CNKSR1: variants seen among roughly 807,000 people sequenced by gnomAD.
CNKSR1 encodes CNK homolog protein 1.
CNKSR1 carries 88 observed loss-of-function variants against 95.6 expected under a neutral mutation model. The observed-to-expected ratio is 0.92, with a 90% CI of 0.78 to 1.10. The LOEUF (loss-of-function observed/expected upper bound fraction) is 1.10. CNKSR1 is among the 50% of genes least tolerant of loss of function. The pLI is 0.00. For missense variants in CNKSR1, 836 were observed against 912.0 expected, an observed-to-expected ratio of 0.92 and a Z score of 1.07; for synonymous variants, 355 against 369.7, an observed-to-expected ratio of 0.96 and a Z score of 0.46.
Position 26,185,159 on chromosome 1 carries a change from C to T in CNKSR1, c.1281C>T (p.His427=). ...WRRRWFVLKG[H]TLYWYRQPQD... is the part of the protein sequence containing the mutation. ...GCCGCTGGTTTGTGCTCAAGGGACA[C>T]ACGCTCTACTGGTACCGCCAGCCCC... Residue 427 remains histidine (H), a synonymous_variant, in exon 14 of 21, where the codon CAC becomes CAT. Transcript: ENST00000361530. 6.4e-7 allele frequency: 1 copy of T among 1,564,206 alleles called. No individual in the cohort carries two copies. The highest frequency in any genetic ancestry group is 1.2e-5 in the South Asian group (1 of 85,306).
At position 26,184,205 on chromosome 1, in the gene CNKSR1, C is replaced by T. The variant is rs1319319146; in HGVS notation, c.927-9C>T. 3.7e-6 allele frequency: 6 copies of T among 1,613,000 alleles called. No individual in the cohort carries two copies. The highest frequency in any genetic ancestry group is 3.3e-5 in the South Asian group (3 of 90,998). ...CGTGGGCTCATCTCATCCCCCTTGC[C>T]CTCCCCAGGGCCCCATCTGAAGACG... On this transcript the variant is annotated splice_polypyrimidine_tract_variant and intron_variant, in intron 10 of 20. Transcript: ENST00000361530.
intron 13 of CNKSR1, 68 bp downstream of exon 13, chr1:26,184,680 G>A (rs2088716581): frequency 2.0e-6 from 3 of 1,519,800 alleles, no homozygotes; most frequent in Non-Finnish European, 2.7e-6. Context: ...TTTACATGCT[G>A]GGCAAGACCA....
rs1364250615 is a variant in CNKSR1 at position 26,181,923 on chromosome 1, G to A, written c.459G>A (p.Leu153=). ...AGATCCGAGACTTGTTGGAGGAGCTGAGCCAGGTCTTGCATGAGGTAGGAG... is the reference window on the plus strand; with the variant it reads ...AGATCCGAGACTTGTTGGAGGAGCTAAGCCAGGTCTTGCATGAGGTAGGAG... ...CQEIRDLLEE[L]SQVLHEDGPA... Residue 153 remains leucine, a synonymous_variant, in exon 4 of 21, where the codon CTG becomes CTA. Coordinates refer to ENST00000361530, the MANE Select transcript of CNKSR1 (RefSeq NM_006314.3). The A allele has an allele frequency of 1.2e-6, 2 of 1,613,900 alleles. No individual in the cohort carries two copies. The highest frequency in any genetic ancestry group is 1.7e-6 in the Non-Finnish European group (2 of 1,179,912).
Position 26,187,161 on chromosome 1 carries a change from C to A in CNKSR1, c.1309-7C>A. The A allele has an allele frequency of 6.2e-7, 1 of 1,612,070 alleles. No homozygotes were observed. Among genetic ancestry groups the A allele is most frequent in the South Asian group, 1.1e-5 (1 of 91,018 alleles). On this transcript the variant is annotated splice_polypyrimidine_tract_variant and splice_region_variant and intron_variant, in intron 14 of 20. Coordinates refer to ENST00000361530, the MANE Select transcript of CNKSR1 (RefSeq NM_006314.3). ...CCAACCTGACCCTCATGCTGTGATC[C>A]CCCCAGGATGAGAAGGCTGAGGGCC...
intron 14 of CNKSR1, among the ~76,000 whole-genome samples, chr1:26,186,355 C>T (rs996072282): frequency 2.6e-5 from 4 of 152,218 alleles, no homozygotes; most frequent in African/African-American, 9.7e-5. Context: ...GGCTGGAGGG[C>T]AGTGGCATGA....
intron 3 of CNKSR1, 125 bp downstream of exon 3, chr1:26,181,021 T>C: frequency 2.4e-6 from 3 of 1,231,280 alleles, no homozygotes; most frequent in Non-Finnish European, 3.5e-6. Context: ...GGCTTAGGTC[T>C]GTAATCCCAG....
Position 26,184,455 on chromosome 1 carries a change from T to C in CNKSR1, c.1055T>C (p.Ile352Thr). Residue 352 changes from isoleucine to threonine, a missense_variant, in exon 12 of 21, where the codon ATA becomes ACA. By Grantham distance (89) the Ile-to-Thr change is moderately conservative (BLOSUM62 -1). Transcript: ENST00000361530. ...PLPIPPEPPA[I>T]LPAGVAGTPG... ...CCCATCCCCCCGGAACCCCCAGCCATACTCCCAGCAGGGGTAGCAGGGACT... is the reference window on the plus strand; with the variant it reads ...CCCATCCCCCCGGAACCCCCAGCCACACTCCCAGCAGGGGTAGCAGGGACT... The C allele has an allele frequency of 6.2e-7, 1 of 1,613,494 alleles. No homozygotes were observed. The highest frequency in any genetic ancestry group is 8.5e-7 in the Non-Finnish European group (1 of 1,179,830).
rs759164599 is a variant in CNKSR1, at chr1:26,189,417, G to A, written c.2011G>A (p.Glu671Lys). 5 of 1,614,040 alleles carry A rather than the reference G, an allele frequency of 3.1e-6. No homozygotes were observed. In the African/African-American group the frequency reaches 4.0e-5, roughly 13 times the overall value. Reference sequence around the variant, plus strand: ...GGGGGCCTGGGGAGTGGCACAGGCTGAAGGCAGCTCCCACATCTTGACCTC... The same window carrying A: ...GGGGGCCTGGGGAGTGGCACAGGCTAAAGGCAGCTCCCACATCTTGACCTC... Reference protein sequence around the residue: ...GLGAWGVAQAEGSSHILTSDS... With the variant: ...GLGAWGVAQAKGSSHILTSDS... The change falls in exon 21 of 21, where the codon GAA becomes AAA. Residue 671 changes from glutamate (E) to lysine (K), a missense_variant. Transcript: ENST00000361530.
intron 14 of CNKSR1, among the ~76,000 whole-genome samples, chr1:26,186,739 G>A (rs1569886142): frequency 6.6e-6 from 1 of 152,114 alleles, no homozygotes; most frequent in Admixed American, 6.6e-5. Flanking sequence ...CTCCCAAAGT[G>A]CTGGGATTAC....
intron 14 of CNKSR1, 113 bp downstream of exon 14, chr1:26,185,299 TC>T: frequency 4.3e-6 from 5 of 1,153,986 alleles, no homozygotes; most frequent in Non-Finnish European, 5.0e-6. Context: ...GATGTCCCCA[TC>T]TGTAAAATGG....
In CNKSR1 at chr1:26,188,463, C is replaced by A; in HGVS notation, c.1550C>A (p.Ala517Glu). ...CCAGACTGCTACAGTGAGACCGAAG[C>A]AGAGGACCCGGACGATGAGGCTGGG... ...REEDCYSETE[A>E]EDPDDEAGSH... Residue 517 changes from alanine (A) to glutamate (E), a missense_variant, in exon 18 of 21, where the codon GCA (alanine) becomes GAA (glutamate). Ala to Glu is a moderately radical substitution (Grantham distance 107). Coordinates refer to ENST00000361530, the MANE Select transcript of CNKSR1 (RefSeq NM_006314.3). The A allele has an allele frequency of 2.5e-6, 4 of 1,605,960 alleles. No individual in the cohort carries two copies. The highest frequency in any genetic ancestry group is 3.4e-6 in the Non-Finnish European group (4 of 1,176,382).
At chr1:26,177,668 G>C (rs1367431581) in intron 1 of CNKSR1, 69 bp downstream of exon 1, 4 of 1,581,000 alleles carry the variant, frequency 2.5e-6, no homozygotes, top group Non-Finnish European at 3.5e-6. Context: ...GAAGCGGGAG[G>C]AGAGGAAAAG....
intron 14 of CNKSR1, 171 bp from the exon 15 acceptor site, chr1:26,186,997 C>A: frequency 1.5e-6 from 1 of 658,736 alleles, no homozygotes; most frequent in Non-Finnish European, 2.8e-6. Context: ...CATCTCCTAC[C>A]CTGACCCCAG....
Position 26,185,010 on chromosome 1 carries a change from A to G in CNKSR1, c.1136-4A>G, listed in dbSNP as rs752773708. The G allele has an allele frequency of 1.9e-6, 3 of 1,593,728 alleles. No individual in the cohort carries two copies. Among genetic ancestry groups the G allele is most frequent in the Non-Finnish European group, 2.5e-6 (3 of 1,176,728 alleles). ...ACTGCCCAGCTTGTGCTGTGCTGCT[A>G]CAGGCCTGGCGACCCGGCTGAGCCG... On this transcript the variant is annotated splice_region_variant and splice_polypyrimidine_tract_variant and intron_variant, in intron 13 of 20. Transcript: ENST00000361530.
At chr1:26,183,923 C>G (rs557191673) in intron 9 of CNKSR1, 93 bp downstream of exon 9, 4 of 523,586 alleles carry the variant, frequency 7.6e-6, no homozygotes, top group Admixed American at 5.2e-5. Context: ...TCAGACCCCC[C>G]CCAACAGGCA....
In CNKSR1 at chr1:26,188,659, C is replaced by T; in HGVS notation, c.1652C>T (p.Thr551Ile). The T allele has an allele frequency of 6.2e-7, 1 of 1,613,928 alleles. No homozygotes were observed. Among genetic ancestry groups the T allele is most frequent in the Non-Finnish European group, 8.5e-7 (1 of 1,179,916 alleles). ...GACACATCACCTGCAGCCACCCCCACACAGCGCAGCCCACGGACCTCCTTT... is the reference window on the plus strand; with the variant it reads ...GACACATCACCTGCAGCCACCCCCATACAGCGCAGCCCACGGACCTCCTTT... ...HGDTSPAATPTQRSPRTSFGS... is the reference protein window; with the variant it reads ...HGDTSPAATPIQRSPRTSFGS... The change falls in exon 19 of 21, where the codon ACA becomes ATA. Residue 551 changes from threonine to isoleucine, a missense_variant. Transcript: ENST00000361530.
At chr1:26,178,821 C>T (rs1162508308) in intron 1 of CNKSR1, among the ~76,000 whole-genome samples, 3 of 152,288 alleles carry the variant, frequency 2.0e-5, no homozygotes, top group African/African-American at 7.2e-5. Flanking sequence ...GGCACCAGCC[C>T]AATACAGTCA....
Position 26,182,581 on chromosome 1 carries a change from A to G in CNKSR1, c.621A>G (p.Pro207=). ...AVLEQVQLDS[P]LGLEIHTTSN... is the part of the protein sequence containing the mutation. The stretch of plus-strand genomic sequence containing the variant: ...TCGAGCAGGTGCAGCTGGACAGTCC[A>G]TTGGTGAGCCCTGCCCTCCCACCTC... Residue 207 remains proline, a synonymous_variant, in exon 6 of 21, where the codon CCA becomes CCG. Coordinates refer to ENST00000361530, the MANE Select transcript of CNKSR1 (RefSeq NM_006314.3). 6.2e-7 allele frequency: 1 copy of G among 1,612,026 alleles called. No individual in the cohort carries two copies. Among genetic ancestry groups the G allele is most frequent in the Non-Finnish European group, 8.5e-7 (1 of 1,179,560 alleles).
chr1:26,187,620 C>CT (rs35307485), intron 16 of CNKSR1, 138 bp downstream of exon 16: 60,241 of 452,232 alleles, frequency 0.13, 1,929 homozygotes, highest in African/African-American at 0.17. Context: ...TTCTCTTTCT[C>CT]TTTTTTTTTT....
Sources: allele counts gnomAD v4.1 joint callset (sites outside exome capture counted in the v4.1 genomes callset), GRCh38; gene constraint gnomAD v4.1.1; transcripts MANE v1.5; gene names NCBI Gene and HGNC (gene_info 2026-07-23, HGNC 2026-07-21).